Variants in FGGY observed in about 807,000 individuals in gnomAD.
The protein encoded by FGGY is FGGY carbohydrate kinase domain containing, also known as FGGY carbohydrate kinase domain-containing protein.
In FGGY, 72 loss-of-function variants were observed where a neutral mutation model predicts 71.3. The observed-to-expected ratio is 1.01, with a 90% CI of 0.84 to 1.23. The LOEUF (loss-of-function observed/expected upper bound fraction) is 1.23. Ranked by LOEUF, FGGY falls within the 50% of genes most tolerant of loss-of-function variation. The probability of loss-of-function intolerance (pLI) is 0.00; values close to 1 mark genes in which losing one functional copy is unlikely to be tolerated. For synonymous variants in FGGY, 251 were observed against 250.3 expected (o/e 1.00, Z -0.02); for missense variants, 668 against 682.3 (o/e 0.98, Z 0.23).
intron 7 of FGGY, among the ~76,000 whole-genome samples, chr1:59,544,384 C>T (rs1558295423): frequency 6.6e-6 from 1 of 152,146 alleles, no homozygotes; most frequent in South Asian, 2.1e-4. Context: ...CCGTGTGATC[C>T]TTCATCTCCA....
chr1:59,518,452 A>G (rs898170650), intron 7 of FGGY, among the ~76,000 whole-genome samples: 13 of 152,200 alleles, frequency 8.5e-5, no homozygotes, highest in Non-Finnish European at 1.5e-4. Flanking sequence ...GCGTTTGTAA[A>G]CTTTTGATTT....
At chr1:59,456,605 A>T (rs6692429) in intron 5 of FGGY, among the ~76,000 whole-genome samples, 10 of 152,232 alleles carry the variant, frequency 6.6e-5, no homozygotes, top group East Asian at 5.8e-4. Flanking sequence ...TCCACCACCA[A>T]GCCTGGCTAA....
chr1:59,651,339 G>C (rs1051529071), intron 11 of FGGY, among the ~76,000 whole-genome samples: 1 of 150,964 alleles, frequency 6.6e-6, no homozygotes, highest in African/African-American at 2.4e-5. Context: ...TCTGTCTAAT[G>C]TTGACAGTGG....
chr1:59,525,991 G>A (rs966556582), intron 7 of FGGY, among the ~76,000 whole-genome samples: 7 of 152,128 alleles, frequency 4.6e-5, no homozygotes, highest in African/African-American at 7.2e-5. Flanking sequence ...GTCTGAATGC[G>A]TGTGTGTATG....
chr1:59,358,089 G>A (rs1557659899), intron 4 of FGGY, among the ~76,000 whole-genome samples: 1 of 152,204 alleles, frequency 6.6e-6, no homozygotes, highest in Non-Finnish European at 1.5e-5. Context: ...TGCATTTAAT[G>A]TGTGTTGTGA....
At chr1:59,734,784 C>T (rs1284536359) in intron 14 of FGGY, among the ~76,000 whole-genome samples, 1 of 152,182 alleles carries the variant, frequency 6.6e-6, no homozygotes, top group African/African-American at 2.4e-5. Context: ...GAGAGGAAGG[C>T]CTCGGGAGCT....
chr1:59,704,544 T>C (rs1300479256), intron 14 of FGGY, among the ~76,000 whole-genome samples: 2 of 152,114 alleles, frequency 1.3e-5, no homozygotes, highest in African/African-American at 2.4e-5. Flanking sequence ...ACTGTTTAAA[T>C]AGTAGAGGAT....
intron 14 of FGGY, among the ~76,000 whole-genome samples, chr1:59,710,028 C>T (rs1198459687): frequency 6.6e-6 from 1 of 152,150 alleles, no homozygotes; most frequent in East Asian, 1.9e-4. Context: ...AAGAGCAAAA[C>T]ATGCCCCCAC....
At position 59,634,741 on chromosome 1, in the gene FGGY, A is replaced by G. The variant is rs972031267; in HGVS notation, c.1074-3487A>G. Among the ~76,000 whole-genome samples the G allele has an allele frequency of 2.0e-5, 3 of 152,320 alleles. No individual in the cohort carries two copies. The East Asian group carries it at 5.8e-4, about 29-fold the overall frequency. On this transcript the variant is annotated intron_variant, in intron 10 of 15. Coordinates refer to ENST00000303721, the MANE Select transcript of FGGY (RefSeq NM_018291.5). ...TTCTTATGATGGCAAAGAAGAGGAA[A>G]CTATTTATTGATAAACCTGTCATTT...
chr1:59,540,964 A>G (rs2095430846), intron 7 of FGGY, among the ~76,000 whole-genome samples: 1 of 152,214 alleles, frequency 6.6e-6, no homozygotes. Context: ...AATCATGAGT[A>G]ATCAAGTAAG....
intron 6 of FGGY, among the ~76,000 whole-genome samples, chr1:59,500,663 CAAAAAAAAAAAA>C (rs922111998): frequency 6.5e-4 from 29 of 44,778 alleles, no homozygotes; most frequent in Non-Finnish European, 8.9e-4. Flanking sequence ...GCCTTCTTGC[CAAAAAAAAAAAA>C]AAAAAAAAAA....
At chr1:59,654,366 C>T (rs1179815072) in intron 11 of FGGY, among the ~76,000 whole-genome samples, 1 of 152,166 alleles carries the variant, frequency 6.6e-6, no homozygotes, top group Non-Finnish European at 1.5e-5. Flanking sequence ...ATTGACTGAG[C>T]AAGCAGAGCA....
At chr1:59,755,496 T>TGG (rs2098282301) in intron 14 of FGGY, 1 of 152,050 alleles carries the variant, frequency 6.6e-6, no homozygotes, top group Non-Finnish European at 1.5e-5. Context: ...TCAATATAGG[T>TGG]GGGAGGCAGG....
intron 6 of FGGY, among the ~76,000 whole-genome samples, chr1:59,486,326 C>T (rs571799093): frequency 6.6e-6 from 1 of 152,284 alleles, no homozygotes; most frequent in South Asian, 2.1e-4. Context: ...CAGTGAACAT[C>T]CCTGGAACCA....
intron 14 of FGGY, among the ~76,000 whole-genome samples, chr1:59,678,402 C>T (rs575055893): frequency 1.3e-5 from 2 of 152,124 alleles, no homozygotes; most frequent in Non-Finnish European, 2.9e-5. Flanking sequence ...GAGAGTGTTC[C>T]ATAACACTTC....
intron 2 of FGGY, among the ~76,000 whole-genome samples, chr1:59,326,851 C>G (rs2047527143): frequency 6.6e-6 from 1 of 152,066 alleles, no homozygotes; most frequent in Admixed American, 6.5e-5. Context: ...AATATTGCAA[C>G]AAAGCTCACA....
chr1:59,624,795 A>AC (rs1286454157), intron 9 of FGGY, among the ~76,000 whole-genome samples: 1 of 152,202 alleles, frequency 6.6e-6, no homozygotes, highest in Non-Finnish European at 1.5e-5. Flanking sequence ...GTTGTTTCCC[A>AC]CTGGGTCCCT....
chr1:59,648,193 G>A (rs1377148331), intron 11 of FGGY, among the ~76,000 whole-genome samples: 1 of 112,054 alleles, frequency 8.9e-6, no homozygotes, highest in Non-Finnish European at 1.8e-5. Context: ...ATTGTGAATA[G>A]TGCCGCAATA....
intron 1 of FGGY, among the ~76,000 whole-genome samples, chr1:59,309,185 TC>T (rs746316651): frequency 2.6e-5 from 4 of 152,202 alleles, no homozygotes; most frequent in Non-Finnish European, 5.9e-5. Context: ...ACAGCCTGTT[TC>T]CCACACTTTT....
Sources: gnomAD v4.1 joint callset for allele counts (sites outside exome capture counted in the v4.1 genomes callset) on GRCh38, gnomAD v4.1.1 for gene constraint, MANE v1.5 for transcripts, NCBI Gene and HGNC (gene_info 2026-07-23, HGNC 2026-07-21) for gene names.